Variants in PTCHD4 observed in about 807,000 individuals in gnomAD.
PTCHD4 encodes patched domain-containing protein 4.
In PTCHD4, 33 loss-of-function variants were observed where a neutral mutation model predicts 58.1. The ratio of observed to expected loss-of-function variants is 0.57; its 90% CI spans 0.43 to 0.76. The LOEUF is 0.76. PTCHD4 is among the 30% of genes least tolerant of loss of function. The pLI, the probability that PTCHD4 is intolerant of heterozygous loss-of-function variation, is 0.00. For synonymous variants in PTCHD4, 478 were observed against 409.6 expected (o/e 1.17, Z -2.02); for missense variants, 1,058 against 1,027.1 (o/e 1.03, Z -0.41).
intron 1 of PTCHD4, among the ~76,000 whole-genome samples, chr6:48,105,252 C>G (rs982706821): frequency 1.3e-5 from 2 of 151,788 alleles, no homozygotes; most frequent in Admixed American, 6.6e-5. Context: ...GACAAACTGT[C>G]TCTCAGACCA....
At chr6:47,887,144 G>T (rs1426904077) in intron 4 of PTCHD4, among the ~76,000 whole-genome samples, 1 of 151,230 alleles carries the variant, frequency 6.6e-6, no homozygotes, top group Non-Finnish European at 1.5e-5. Context: ...CATTCTTCTT[G>T]TAATAGTTAT....
In PTCHD4 at chr6:47,879,729, C is replaced by T; in HGVS notation, c.1106G>A (p.Cys369Tyr). The T allele has an allele frequency of 6.2e-7, 1 of 1,613,642 alleles. No homozygotes were observed. Among genetic ancestry groups the T allele is most frequent in the Non-Finnish European group, 8.5e-7 (1 of 1,179,748 alleles). Residue 369 changes from cysteine (C) to tyrosine (Y), a missense_variant, in exon 5 of 5, where the codon TGT becomes TAT. Cys to Tyr is a radical substitution (Grantham distance 194). Coordinates refer to ENST00000339488, the MANE Select transcript of PTCHD4 (RefSeq NM_001384253.1). ...EAVKVFCQNM[C>Y]VSILLNYFYI... ...GAAGTAGTTCAACAGAATAGAGACACACATGTTTTGACAGAAGACCTTCAC... is the reference window on the plus strand; with the variant it reads ...GAAGTAGTTCAACAGAATAGAGACATACATGTTTTGACAGAAGACCTTCAC...
At chr6:47,987,641 T>A (rs1768120622) in intron 4 of PTCHD4, among the ~76,000 whole-genome samples, 1 of 152,190 alleles carries the variant, frequency 6.6e-6, no homozygotes. Context: ...GGTTCAGAAA[T>A]TTAATTCCAA....
In PTCHD4 at chr6:48,083,208, T is replaced by A. The variant is rs1765199644; in HGVS notation, c.-969-13282A>T. On this transcript the variant is annotated intron_variant, in intron 1 of 4. Transcript: ENST00000339488. Reference sequence around the variant, plus strand: ...ATAGGGTATTGGCAAGCTTTTTCTGTAAAGGGCTAGATATTTTAGGCTTAT... The same window carrying A: ...ATAGGGTATTGGCAAGCTTTTTCTGAAAAGGGCTAGATATTTTAGGCTTAT... 2.0e-5 allele frequency among the ~76,000 whole-genome samples: 3 copies of A among 151,394 alleles called. 1 individual carries two copies. Among genetic ancestry groups the A allele is most frequent in the African/African-American group, 4.8e-5 (2 of 41,316 alleles).
At chr6:48,080,561 T>A (rs1765146928) in intron 1 of PTCHD4, among the ~76,000 whole-genome samples, 1 of 152,214 alleles carries the variant, frequency 6.6e-6, no homozygotes, top group Non-Finnish European at 1.5e-5. Context: ...CTGGGGGGAA[T>A]TCCTAATGCT....
At chr6:48,005,668 T>C (rs1295652033) in intron 4 of PTCHD4, among the ~76,000 whole-genome samples, 1 of 152,210 alleles carries the variant, frequency 6.6e-6, no homozygotes, top group Non-Finnish European at 1.5e-5. Context: ...TCTCTGTCTC[T>C]CTCTTTCTAT....
At chr6:47,981,323 G>T (rs1213519532) in intron 4 of PTCHD4, among the ~76,000 whole-genome samples, 1 of 151,650 alleles carries the variant, frequency 6.6e-6, no homozygotes, top group African/African-American at 2.4e-5. Context: ...TTTGTATTTT[G>T]TTGCTTCCAA....
intron 3 of PTCHD4, among the ~76,000 whole-genome samples, chr6:48,018,827 A>G (rs551009477): frequency 7.2e-5 from 11 of 152,350 alleles, no homozygotes; most frequent in South Asian, 4.1e-4. Context: ...GTTGACCTAC[A>G]TAAGAGAAGT....
intron 4 of PTCHD4, among the ~76,000 whole-genome samples, chr6:47,943,345 TC>T (rs979161677): frequency 1.3e-5 from 2 of 152,134 alleles, no homozygotes; most frequent in African/African-American, 4.8e-5. Context: ...TCTTGTGTTT[TC>T]CTAAGAATAC....
intron 1 of PTCHD4, among the ~76,000 whole-genome samples, chr6:48,097,932 T>C (rs1765508327): frequency 1.3e-5 from 2 of 152,176 alleles, no homozygotes; most frequent in African/African-American, 4.8e-5. Context: ...TTAACATCAA[T>C]TTCAGAAAGA....
intron 4 of PTCHD4, among the ~76,000 whole-genome samples, chr6:47,892,529 A>C (rs1764412058): frequency 6.6e-6 from 1 of 152,226 alleles, no homozygotes. Flanking sequence ...CATTAATTGC[A>C]AGCTCTGGAG....
chr6:47,908,132 C>A (rs116261411), intron 4 of PTCHD4, among the ~76,000 whole-genome samples: 6 of 152,062 alleles, frequency 3.9e-5, no homozygotes, highest in Admixed American at 3.9e-4. Context: ...ACTGCAAAGG[C>A]TGTGAAAACT....
At chr6:47,890,901 T>G in intron 4 of PTCHD4, 1 of 984,596 alleles carries the variant, frequency 1.0e-6, no homozygotes, top group Non-Finnish European at 1.2e-6. Context: ...CTTCCATGCT[T>G]TTCAAGTTTT....
chr6:48,058,622 A>G (rs945830660), intron 3 of PTCHD4, among the ~76,000 whole-genome samples: 2 of 152,212 alleles, frequency 1.3e-5, no homozygotes, highest in Admixed American at 6.5e-5. Context: ...AACGGTAGAG[A>G]ACCATCAGAG....
In PTCHD4 at chr6:48,009,037, C is replaced by A. The variant is rs761209709; in HGVS notation, c.495G>T (p.Lys165Asn). ...AGGTGATTTGAATGGCTCTGGCTGA[C>A]TTGACCCGCTGATCTTTGCTGTTTG... The part of the protein sequence containing the change: ...EVPNSKDQRV[K>N]SARAIQITYY... Residue 165 changes from lysine to asparagine, a missense_variant, in exon 4 of 5, where the codon AAG (lysine) becomes AAT (asparagine). Physicochemically the swap from Lys to Asn is moderately conservative, Grantham distance 94 (BLOSUM62 0). Coordinates refer to ENST00000339488, the MANE Select transcript of PTCHD4 (RefSeq NM_001384253.1). 4 of 1,613,910 alleles carry A rather than the reference C, an allele frequency of 2.5e-6. No individual in the cohort carries two copies. Among genetic ancestry groups the A allele is most frequent in the South Asian group, 2.2e-5 (2 of 91,072 alleles).
At position 47,859,479 on chromosome 6, in the gene PTCHD4, A is replaced by T. The variant is rs1007317183; in HGVS notation, c.*18824T>A. Among the ~76,000 whole-genome samples the T allele has an allele frequency of 6.6e-6, 1 of 152,022 alleles. No individual in the cohort carries two copies. The highest frequency in any genetic ancestry group is 2.4e-5 in the African/African-American group (1 of 41,422). ...TACTAGATAATGAGATACATCTAAT[A>T]TATTTGCAACTGAAACACTTGAAGC... On this transcript the variant is annotated 3_prime_UTR_variant, in exon 5 of 5. Transcript: ENST00000339488.
rs184974620 is a variant in PTCHD4 at position 47,959,002 on chromosome 6, G to A, written c.898+49632C>T. 2.0e-5 allele frequency among the ~76,000 whole-genome samples: 3 copies of A among 152,164 alleles called. No homozygotes were observed. The East Asian group carries it at 5.8e-4, about 29-fold the overall frequency. On this transcript the variant is annotated intron_variant, in intron 4 of 4. Transcript: ENST00000339488. ...AATATAAGTCTCAATAACAATCATA[G>A]ACATACAAAAATACATAGATTTCAA...
Position 48,068,908 on chromosome 6 carries a change from C to G in PTCHD4, c.5+45G>C, listed in dbSNP as rs116968488. Among the ~76,000 whole-genome samples, 6,648 of 151,710 alleles carry G rather than the reference C, an allele frequency of 0.044. 206 individuals are homozygous for G. The highest frequency in any genetic ancestry group is 0.065 in the Non-Finnish European group (4,386 of 67,830). The stretch of plus-strand genomic sequence containing the variant: ...GCGGGCGCCGCGGGGCCCACCCCCT[C>G]CCCGGTCTCCCCGCGCCCTCGCCGC... On this transcript the variant is annotated intron_variant, in intron 2 of 4. Transcript: ENST00000339488. The surrounding 1 kb of genome is among the most constrained non-coding windows in gnomAD (Gnocchi z 4.2).
intron 1 of PTCHD4, among the ~76,000 whole-genome samples, chr6:48,100,421 C>G (rs921234086): frequency 6.6e-6 from 1 of 152,182 alleles, no homozygotes; most frequent in Non-Finnish European, 1.5e-5. Context: ...AACAGAACCT[C>G]TCTTTTCAGT....
Sources: allele counts gnomAD v4.1 joint callset (sites outside exome capture counted in the v4.1 genomes callset), GRCh38; gene constraint gnomAD v4.1.1; non-coding constraint Gnocchi (gnomAD v3.1); transcripts MANE v1.5; gene names NCBI Gene and HGNC (gene_info 2026-07-23, HGNC 2026-07-21).